The following NR5A2 variants were observed in gnomAD, a reference collection of about 807,000 sequenced individuals.
The protein encoded by NR5A2 is nuclear receptor subfamily 5 group A member 2.
In NR5A2, 26 loss-of-function variants were observed where a neutral mutation model predicts 62.7. The ratio of observed to expected loss-of-function variants is 0.41; its 90% confidence interval spans 0.30 to 0.58. The LOEUF (loss-of-function observed/expected upper bound fraction) is 0.58. Ranked by LOEUF, NR5A2 falls within the 20% of genes least tolerant of loss-of-function variation. NR5A2 has a pLI of 0.22. For missense variants in NR5A2, 541 were observed against 669.1 expected (o/e 0.81, Z 2.11); for synonymous variants, 246 against 241.7 (o/e 1.02, Z -0.16).
At chr1:200,044,106 G>C (rs1272752146) in intron 3 of NR5A2, 1 of 415,136 alleles carries the variant, frequency 2.4e-6, no homozygotes, top group African/African-American at 2.0e-5. Context: ...AACTTTGCCA[G>C]TCTCATGGTT....
chr1:200,035,303 G>GTATTGCAA (rs1200498584), intron 1 of NR5A2, among the ~76,000 whole-genome samples: 2 of 152,172 alleles, frequency 1.3e-5, no homozygotes, highest in African/African-American at 4.8e-5. Context: ...AAGGAGGAAG[G>GTATTGCAA]TATTGCAAGT....
At chr1:200,123,034 A>C (rs904092460) in intron 7 of NR5A2, among the ~76,000 whole-genome samples, 2 of 152,138 alleles carry the variant, frequency 1.3e-5, no homozygotes, top group African/African-American at 4.8e-5. Flanking sequence ...TTAAGGGTGA[A>C]ATCATACCAG....
At chr1:200,049,208 G>T (rs1662521713) in intron 5 of NR5A2, among the ~76,000 whole-genome samples, 1 of 152,078 alleles carries the variant, frequency 6.6e-6, no homozygotes, top group African/African-American at 2.4e-5. Context: ...TATTATAATG[G>T]TGTCATCTTG....
chr1:200,112,436 G>GTGAC (rs1665996146), intron 6 of NR5A2, among the ~76,000 whole-genome samples: 1 of 152,156 alleles, frequency 6.6e-6, no homozygotes, highest in African/African-American at 2.4e-5. Context: ...TTCAGCAATG[G>GTGAC]TGACTTCAGT....
At position 200,104,723 on chromosome 1, in the gene NR5A2, C is replaced by T. The variant is rs181395736; in HGVS notation, c.1111-6479C>T. On this transcript the variant is annotated intron_variant, in intron 5 of 7. Coordinates refer to ENST00000367362, the MANE Select transcript of NR5A2 (RefSeq NM_205860.3). The stretch of plus-strand genomic sequence containing the variant: ...CGTCACCCAGGCTGGAGCGCAGTGG[C>T]GCGATCTCGGCTCACTGCAACCTCC... Among the ~76,000 whole-genome samples the T allele has an allele frequency of 1.7e-4, 26 of 152,272 alleles. No individual in the cohort carries two copies. The East Asian group carries it at 2.5e-3, about 15-fold the overall frequency.
Position 200,062,257 on chromosome 1 carries a change from G to GTGTGTGTA in NR5A2, c.1110+13440_1110+13441insGTGTGTAT, listed in dbSNP as rs1490926111. On this transcript the variant is annotated intron_variant, in intron 5 of 7. Transcript: ENST00000367362. ...TGTGTGTGTGTGTGTGTGTGTGTGT[G>GTGTGTGTA]TATCTGTGTCCATGTGTGTATCGCA... 1.3e-4 allele frequency among the ~76,000 whole-genome samples: 19 copies of GTGTGTGTA among 151,606 alleles called. No individual in the cohort carries two copies. The East Asian group carries it at 3.5e-3, about 28-fold the overall frequency.
chr1:200,038,647 A>G, intron 1 of NR5A2: 1 of 1,226,068 alleles, frequency 8.2e-7, no homozygotes, highest in African/African-American at 1.5e-5. Context: ...CCGACACACT[A>G]GCAAGGGCAC....
At chr1:200,061,120 CAAAAA>C (rs34729240) in intron 5 of NR5A2, among the ~76,000 whole-genome samples, 2 of 75,402 alleles carry the variant, frequency 2.7e-5, no homozygotes. Context: ...AACTCCGTCT[CAAAAA>C]AAAAAAAAAA....
At chr1:200,137,332 T>G (rs1667268820) in intron 7 of NR5A2, among the ~76,000 whole-genome samples, 1 of 150,640 alleles carries the variant, frequency 6.6e-6, no homozygotes, top group Non-Finnish European at 1.5e-5. Context: ...TTTTTTTTTT[T>G]TTTTTATGTT....
At chr1:200,058,244 C>T (rs1049916387) in intron 5 of NR5A2, 8 of 152,190 alleles carry the variant, frequency 5.3e-5, no homozygotes, top group African/African-American at 1.9e-4. Flanking sequence ...TTAAAGCCTA[C>T]AACAGAACCA....
At chr1:200,062,428 T>TTG (rs1339151185) in intron 5 of NR5A2, among the ~76,000 whole-genome samples, 4 of 152,218 alleles carry the variant, frequency 2.6e-5, no homozygotes, top group African/African-American at 9.7e-5. Context: ...ATCAGCACAG[T>TTG]TGTGTGCCTT....
chr1:200,038,523 G>T (rs1032787428), intron 1 of NR5A2, among the ~76,000 whole-genome samples: 3 of 152,226 alleles, frequency 2.0e-5, no homozygotes, highest in Non-Finnish European at 4.4e-5. Flanking sequence ...GTGCCCTGGG[G>T]AGTTGAAGCT....
chr1:200,149,030 G>A (rs539380612), intron 7 of NR5A2, among the ~76,000 whole-genome samples: 1 of 150,398 alleles, frequency 6.6e-6, no homozygotes, highest in South Asian at 2.1e-4. Flanking sequence ...CTCCTGCCTC[G>A]ACCTCCCGAG....
In NR5A2 at chr1:200,084,163, G is replaced by A. The variant is rs185815571; in HGVS notation, c.1111-27039G>A. Among the ~76,000 whole-genome samples the A allele has an allele frequency of 2.5e-3, 380 of 151,998 alleles. 1 individual carries two copies. The highest frequency in any genetic ancestry group is 7.9e-3 in the African/African-American group (328 of 41,460). ...ATAGACAAAAATCCCTGCTTTTGAG[G>A]ATCATATTTATATCTATTTTAGTGA... On this transcript the variant is annotated intron_variant, in intron 5 of 7. Coordinates refer to ENST00000367362, the MANE Select transcript of NR5A2 (RefSeq NM_205860.3).
At chr1:200,037,796 G>A (rs981048559) in intron 1 of NR5A2, among the ~76,000 whole-genome samples, 11 of 152,044 alleles carry the variant, frequency 7.2e-5, no homozygotes, top group Admixed American at 2.0e-4. Flanking sequence ...ATATATTGAA[G>A]AGCAAAATGA....
intron 5 of NR5A2, 112 bp from the exon 6 acceptor site, chr1:200,111,086 ACTTT>A (rs1665918970): frequency 1.6e-5 from 19 of 1,178,862 alleles, no homozygotes; most frequent in Non-Finnish European, 2.1e-5. Flanking sequence ...ATGGGTGGAG[ACTTT>A]CTTGTTTATA....
At chr1:200,042,962 C>T (rs1264763661) in intron 2 of NR5A2, 12 of 985,326 alleles carry the variant, frequency 1.2e-5, no homozygotes, top group African/African-American at 1.7e-5. Context: ...AGGGCGATCT[C>T]GAGGTGTTTA....
intron 5 of NR5A2, chr1:200,057,578 A>G (rs748757354): frequency 2.0e-5 from 7 of 344,754 alleles, no homozygotes; most frequent in South Asian, 1.5e-4. Context: ...TCCTGCATTC[A>G]AGTGATTCGC....
intron 5 of NR5A2, among the ~76,000 whole-genome samples, chr1:200,051,525 C>T (rs1051137379): frequency 7.2e-5 from 11 of 151,816 alleles, no homozygotes; most frequent in Non-Finnish European, 1.0e-4. Context: ...TCATAGAATA[C>T]GAAAAAAGGA....
Sources: gnomAD v4.1 joint callset for allele counts (sites outside exome capture counted in the v4.1 genomes callset) on GRCh38, gnomAD v4.1.1 for gene constraint, MANE v1.5 for transcripts, NCBI Gene and HGNC (gene_info 2026-07-23, HGNC 2026-07-21) for gene names.